RBMS1: variants seen among roughly 807,000 people sequenced by gnomAD.
RBMS1 encodes the protein RNA binding motif single stranded interacting protein 1.
In RBMS1, 17 loss-of-function variants were observed where a neutral mutation model predicts 62.3. The ratio of observed to expected loss-of-function variants is 0.27; its 90% CI spans 0.19 to 0.41. The LOEUF is 0.41. Ranked by LOEUF, RBMS1 falls within the 10% of genes least tolerant of loss-of-function variation. The pLI is 1.00. For synonymous variants in RBMS1, 172 were observed against 170.0 expected, an observed-to-expected ratio of 1.01 and a Z score of -0.09; for missense variants, 334 against 504.5, an observed-to-expected ratio of 0.66 and a Z score of 3.24.
chr2:160,443,909 T>C (rs1683528102), intron 1 of RBMS1, among the ~76,000 whole-genome samples: 1 of 152,204 alleles, frequency 6.6e-6, no homozygotes, highest in Admixed American at 6.5e-5. Flanking sequence ...CTTGTACTTC[T>C]GTACTTCTGT....
At chr2:160,432,337 G>A (rs1358476685) in intron 1 of RBMS1, 4 of 152,062 alleles carry the variant, frequency 2.6e-5, no homozygotes, top group African/African-American at 7.3e-5. Flanking sequence ...ATCTGAAAGC[G>A]CCTCTAAGAA....
rs1213069659 is a variant in RBMS1 at position 160,367,040 on chromosome 2, A to C, written c.251+176T>G. ...GATATGTAGCCAGTCTGATGATGTT[A>C]ATATTGACTCAAAAAGTATTTAAGA... On this transcript the variant is annotated intron_variant, in intron 2 of 13. Coordinates refer to ENST00000348849, the MANE Select transcript of RBMS1 (RefSeq NM_016836.4). The C allele has an allele frequency of 6.0e-6, 3 of 503,856 alleles. No homozygotes were observed. The Admixed American group carries it at 1.1e-4, about 19-fold the overall frequency. 31.2% of individuals were successfully genotyped at this position (503,856 alleles called of 1,614,324 possible).
At chr2:160,329,690 G>A (rs957705995) in intron 2 of RBMS1, among the ~76,000 whole-genome samples, 4 of 151,814 alleles carry the variant, frequency 2.6e-5, no homozygotes, top group African/African-American at 9.7e-5. Flanking sequence ...CCTCAATAGA[G>A]CTTGAATCCA....
intron 1 of RBMS1, among the ~76,000 whole-genome samples, chr2:160,373,698 G>C (rs1203528283): frequency 6.6e-6 from 1 of 152,176 alleles, no homozygotes; most frequent in Non-Finnish European, 1.5e-5. Flanking sequence ...CACAAAACTA[G>C]AGGGCCAAAA....
chr2:160,386,750 C>T (rs900230806), intron 1 of RBMS1, among the ~76,000 whole-genome samples: 4 of 152,156 alleles, frequency 2.6e-5, no homozygotes. Context: ...TCTCAGACTT[C>T]CAGCCTCCAG....
intron 1 of RBMS1, among the ~76,000 whole-genome samples, chr2:160,385,688 A>C (rs1261749625): frequency 6.6e-6 from 1 of 152,242 alleles, no homozygotes; most frequent in Non-Finnish European, 1.5e-5. Flanking sequence ...GGGAATGTAG[A>C]GATGCCCACG....
chr2:160,450,555 A>T (rs1265619240), intron 1 of RBMS1, among the ~76,000 whole-genome samples: 1 of 43,472 alleles, frequency 2.3e-5, no homozygotes. Context: ...AAAATAAAAA[A>T]TAAAAAATGA....
intron 1 of RBMS1, among the ~76,000 whole-genome samples, chr2:160,480,553 G>A (rs1685322825): frequency 2.0e-5 from 3 of 152,068 alleles, no homozygotes; most frequent in Admixed American, 2.0e-4. Context: ...ACTTAAAGGG[G>A]TAAATTCATA....
chr2:160,435,380 C>T (rs375611923), intron 1 of RBMS1, among the ~76,000 whole-genome samples: 1 of 152,108 alleles, frequency 6.6e-6, no homozygotes, highest in Non-Finnish European at 1.5e-5. Flanking sequence ...AATTATTATC[C>T]TCATTTTATA....
At chr2:160,335,355 G>A (rs1001050545) in intron 2 of RBMS1, among the ~76,000 whole-genome samples, 12 of 152,130 alleles carry the variant, frequency 7.9e-5, no homozygotes, top group African/African-American at 2.2e-4. Context: ...GGCAGCATCC[G>A]ATTCACCAAT....
At chr2:160,367,444 CA>C in intron 1 of RBMS1, 53 bp from the exon 2 acceptor site, 2 of 1,591,612 alleles carry the variant, frequency 1.3e-6, no homozygotes, top group Non-Finnish European at 1.7e-6. Flanking sequence ...AGGCTGACAC[CA>C]AATAAAATGA....
intron 1 of RBMS1, among the ~76,000 whole-genome samples, chr2:160,422,720 C>T (rs1696483791): frequency 6.6e-6 from 1 of 150,750 alleles, no homozygotes; most frequent in Non-Finnish European, 1.5e-5. Flanking sequence ...GCCTGGTATT[C>T]ATAGCCCTTT....
At chr2:160,398,000 G>A (rs1695235472) in intron 1 of RBMS1, among the ~76,000 whole-genome samples, 1 of 152,156 alleles carries the variant, frequency 6.6e-6, no homozygotes, top group Admixed American at 6.5e-5. Context: ...TCTCCTCGGA[G>A]TGCTTTAATC....
chr2:160,490,530 A>G lies in RBMS1; in HGVS notation c.75+2759T>C, dbSNP rs1458467253. Reference sequence around the variant, plus strand: ...AAGTACAAAGCATACCAATATGGTCATTTGCTCCAATATAGCCCAACGGAT... The same window carrying G: ...AAGTACAAAGCATACCAATATGGTCGTTTGCTCCAATATAGCCCAACGGAT... On this transcript the variant is annotated intron_variant, in intron 1 of 13. Coordinates refer to ENST00000348849, the MANE Select transcript of RBMS1 (RefSeq NM_016836.4). Among the ~76,000 whole-genome samples the G allele has an allele frequency of 8.5e-5, 13 of 152,082 alleles. No individual in the cohort carries two copies. The East Asian group carries it at 1.7e-3, about 20-fold the overall frequency.
At chr2:160,336,749 TA>T (rs1238754315) in intron 2 of RBMS1, among the ~76,000 whole-genome samples, 1 of 152,196 alleles carries the variant, frequency 6.6e-6, no homozygotes, top group Non-Finnish European at 1.5e-5. Context: ...AGCGTATCTC[TA>T]TTTGGACTCG....
chr2:160,436,337 C>T lies in RBMS1; in HGVS notation c.75+56952G>A, dbSNP rs116362068. Among the ~76,000 whole-genome samples the T allele has an allele frequency of 8.1e-3, 1,229 of 152,282 alleles. 7 individuals are homozygous for T. Among genetic ancestry groups the T allele is most frequent in the Non-Finnish European group, 0.012 (793 of 68,024 alleles). The stretch of plus-strand genomic sequence containing the variant: ...ACTGACCCGTGAGAAAGGCCAAGCT[C>T]CCCGTGTAGAGAGAGAAATGCTAAC... On this transcript the variant is annotated intron_variant, in intron 1 of 13. Transcript: ENST00000348849.
At position 160,429,986 on chromosome 2, in the gene RBMS1, T is replaced by G. The variant is rs867989272; in HGVS notation, c.76-62595A>C. 8.5e-5 allele frequency among the ~76,000 whole-genome samples: 13 copies of G among 152,382 alleles called. No homozygotes were observed. In the Middle Eastern group the frequency reaches 0.01, roughly 120 times the overall value. ...CCCTGTAAAGAAATCTGGGCTAGTC[T>G]GCCTTCCAGTTAGAATCCACATGGA... On this transcript the variant is annotated intron_variant, in intron 1 of 13. Transcript: ENST00000348849.
chr2:160,323,543 G>A (rs1690701544), intron 2 of RBMS1, among the ~76,000 whole-genome samples: 1 of 150,008 alleles, frequency 6.7e-6, no homozygotes, highest in East Asian at 2.0e-4. Context: ...CTCCTGACTG[G>A]CGGAATTCAC....
rs57628206 is a variant in RBMS1 at position 160,359,781 on chromosome 2, G to A, written c.251+7435C>T. Among the ~76,000 whole-genome samples the A allele has an allele frequency of 4.7e-4, 71 of 152,258 alleles. No individual in the cohort carries two copies. The Middle Eastern group carries it at 0.02, about 44-fold the overall frequency. ...AGCCTAATCATTTTGTAATAAAAGC[G>A]ATGATTATTTAATTTCAGGGTGGAG... On this transcript the variant is annotated intron_variant, in intron 2 of 13. Coordinates refer to ENST00000348849, the MANE Select transcript of RBMS1 (RefSeq NM_016836.4).
Sources: gnomAD v4.1 joint callset for allele counts (sites outside exome capture counted in the v4.1 genomes callset) on GRCh38, gnomAD v4.1.1 for gene constraint, MANE v1.5 for transcripts, NCBI Gene and HGNC (gene_info 2026-07-23, HGNC 2026-07-21) for gene names.